PDE4B: variants seen among roughly 807,000 people sequenced by gnomAD.
PDE4B encodes the protein 3',5'-cyclic-AMP phosphodiesterase 4B.
Under a neutral mutation model 82.2 loss-of-function variants are expected in PDE4B, and 20 were observed. That is an observed-to-expected ratio of 0.24 (90% CI 0.17 to 0.35). The LOEUF (loss-of-function observed/expected upper bound fraction) is 0.35. Ranked by LOEUF, PDE4B falls within the 10% of genes least tolerant of loss-of-function variation. The pLI, the probability that PDE4B is intolerant of heterozygous loss-of-function variation, is 1.00. For synonymous variants in PDE4B, 320 were observed against 318.9 expected (o/e 1.00, Z -0.04); for missense variants, 655 against 907.2 (o/e 0.72, Z 3.57).
chr1:66,129,681 C>A (rs1290602765), intron 3 of PDE4B, among the ~76,000 whole-genome samples: 1,238 of 52,078 alleles, frequency 0.024, 45 homozygotes, highest in African/African-American at 0.073. Context: ...AACAAAAAAA[C>A]AAAAAAACAA....
chr1:66,010,467 A>G (rs1652422475), intron 3 of PDE4B, among the ~76,000 whole-genome samples: 1 of 151,946 alleles, frequency 6.6e-6, no homozygotes, highest in African/African-American at 2.4e-5. Context: ...TAACTCATCT[A>G]GTCTCTTCCT....
intron 13 of PDE4B, among the ~76,000 whole-genome samples, chr1:66,367,303 C>G (rs1663321749): frequency 4.6e-5 from 7 of 152,168 alleles, no homozygotes; most frequent in Admixed American, 4.6e-4. Flanking sequence ...TTGAAAGTCT[C>G]AATACAATTC....
At chr1:66,020,340 G>A (rs1346620168) in intron 3 of PDE4B, among the ~76,000 whole-genome samples, 1 of 151,910 alleles carries the variant, frequency 6.6e-6, no homozygotes, top group Admixed American at 6.6e-5. Flanking sequence ...TATACTTTAA[G>A]CTCTACGGTA....
In PDE4B at chr1:65,849,699, C is replaced by T. The variant is rs570509866; in HGVS notation, c.-71+56451C>T. Among the ~76,000 whole-genome samples the T allele has an allele frequency of 3.6e-4, 55 of 150,716 alleles. No homozygotes were observed. The Admixed American group carries it at 3.7e-3, about 10-fold the overall frequency. ...GTCATATACTTTTAGATACTGGGCA[C>T]TGCAGAAAAAGAAAAAAAACAACAA... On this transcript the variant is annotated intron_variant, in intron 1 of 16. Coordinates refer to ENST00000341517, the MANE Select transcript of PDE4B (RefSeq NM_002600.4).
chr1:66,137,863 C>T (rs539442451), intron 3 of PDE4B, among the ~76,000 whole-genome samples: 93 of 152,268 alleles, frequency 6.1e-4, no homozygotes, highest in South Asian at 8.3e-4. Context: ...CTGTGATAAA[C>T]GCTATTCTGG....
intron 3 of PDE4B, among the ~76,000 whole-genome samples, chr1:66,086,510 A>G (rs1657015471): frequency 6.6e-6 from 1 of 152,198 alleles, no homozygotes; most frequent in Non-Finnish European, 1.5e-5. Context: ...ATTTTATGTC[A>G]TAATCATTAG....
intron 1 of PDE4B, among the ~76,000 whole-genome samples, chr1:65,882,641 A>T (rs1010072810): frequency 2.6e-5 from 4 of 151,116 alleles, no homozygotes; most frequent in African/African-American, 9.7e-5. Flanking sequence ...AAAAGATTTT[A>T]AATAGAATTT....
chr1:65,948,239 G>A (rs1189239965), intron 3 of PDE4B, among the ~76,000 whole-genome samples: 3 of 151,676 alleles, frequency 2.0e-5, no homozygotes, highest in African/African-American at 7.3e-5. Context: ...GACTCCGGTT[G>A]CTAGTTGACT....
chr1:65,889,398 T>C (rs1173815023), intron 1 of PDE4B, among the ~76,000 whole-genome samples: 6 of 152,132 alleles, frequency 3.9e-5, no homozygotes, highest in Admixed American at 3.9e-4. Context: ...AGTGTTGTTG[T>C]TGTTTTCATG....
chr1:65,963,111 C>G (rs1049059671), intron 3 of PDE4B, among the ~76,000 whole-genome samples: 11 of 152,186 alleles, frequency 7.2e-5, no homozygotes, highest in African/African-American at 2.7e-4. Context: ...CAAGATGCGA[C>G]AAGTCAGCTC....
chr1:65,887,247 T>TTTCTTTCTTTTCTTTCTTTC, intron 1 of PDE4B, among the ~76,000 whole-genome samples: 1 of 37,728 alleles, frequency 2.7e-5, no homozygotes, highest in South Asian at 1.4e-3. Flanking sequence ...TCTTTCTTTC[T>TTTCTTTCTTTTCTTTCTTTC]TTTCTTTCTT....
At chr1:66,365,602 A>G (rs909920606) in intron 12 of PDE4B, 65 bp from the exon 13 acceptor site, 2 of 873,510 alleles carry the variant, frequency 2.3e-6, no homozygotes, top group Admixed American at 1.9e-5. Flanking sequence ...TACTTTACAA[A>G]TGAAACTGAA....
intron 1 of PDE4B, among the ~76,000 whole-genome samples, chr1:65,846,631 T>C (rs975720893): frequency 6.6e-6 from 1 of 152,184 alleles, no homozygotes; most frequent in Non-Finnish European, 1.5e-5. Flanking sequence ...GGGCAAATTC[T>C]TACAAGTTTG....
intron 1 of PDE4B, among the ~76,000 whole-genome samples, chr1:65,872,543 T>C (rs1646585597): frequency 6.6e-6 from 1 of 152,162 alleles, no homozygotes; most frequent in Non-Finnish European, 1.5e-5. Flanking sequence ...ACTCAATGAA[T>C]AGATTGCCAA....
rs1391979865 is a variant in PDE4B at position 66,133,107 on chromosome 1, G to GA, written c.282-114346dup. Among the ~76,000 whole-genome samples the GA allele has an allele frequency of 2.6e-5, 4 of 152,144 alleles. No individual in the cohort carries two copies. The East Asian group carries it at 7.7e-4, about 29-fold the overall frequency. The stretch of plus-strand genomic sequence containing the variant: ...GCATTTTTAGGATTTTGTTTAAAGT[G>GA]AAAAAAATAGGAGGAAGAGGAGGAA... On this transcript the variant is annotated intron_variant, in intron 3 of 16. Transcript: ENST00000341517.
At chr1:65,913,736 G>A (rs1317131618) in intron 2 of PDE4B, among the ~76,000 whole-genome samples, 3 of 152,104 alleles carry the variant, frequency 2.0e-5, no homozygotes, top group East Asian at 1.9e-4. Context: ...ACTTCCTGTG[G>A]TGGGGTTTTT....
chr1:66,372,229 C>A, intron 16 of PDE4B, 84 bp from the exon 17 acceptor site: 1 of 1,380,132 alleles, frequency 7.2e-7, no homozygotes, highest in African/African-American at 1.4e-5. Flanking sequence ...TATTAATGTT[C>A]TTTCTTTGCA....
chr1:66,082,936 T>C (rs895667940), intron 3 of PDE4B, among the ~76,000 whole-genome samples: 2 of 152,090 alleles, frequency 1.3e-5, no homozygotes, highest in Non-Finnish European at 2.9e-5. Context: ...GGACAATTAC[T>C]ATGATTAGGC....
intron 3 of PDE4B, among the ~76,000 whole-genome samples, chr1:66,124,189 T>C (rs1645772374): frequency 6.6e-6 from 1 of 152,184 alleles, no homozygotes; most frequent in Non-Finnish European, 1.5e-5. Context: ...GCATAATGCA[T>C]AAATGTACTT....
Sources: gnomAD v4.1 joint callset for allele counts (sites outside exome capture counted in the v4.1 genomes callset) on GRCh38, gnomAD v4.1.1 for gene constraint, MANE v1.5 for transcripts, NCBI Gene and HGNC (gene_info 2026-07-23, HGNC 2026-07-21) for gene names.